Variants in CERT1 observed in about 807,000 individuals in gnomAD.
CERT1 encodes ceramide transfer protein.
In CERT1, 31 loss-of-function variants were observed where a neutral mutation model predicts 87.9. The observed-to-expected ratio is 0.35, with a 90% CI of 0.27 to 0.48. The LOEUF (loss-of-function observed/expected upper bound fraction) is 0.48, where lower values mean the gene tolerates loss of function less well. Among genes scored for constraint, CERT1 ranks in the 20% least tolerant of loss-of-function variants. The pLI is 0.99. For missense variants in CERT1, 487 were observed against 758.0 expected (o/e 0.64, Z 4.20); for synonymous variants, 289 against 250.9 (o/e 1.15, Z -1.44).
At chr5:75,402,008 T>C (rs1156660691) in intron 9 of CERT1, 4 of 152,338 alleles carry the variant, frequency 2.6e-5, no homozygotes, top group African/African-American at 7.2e-5. Context: ...TTAAGTACCA[T>C]CTAGTTGTAA....
chr5:75,439,122 C>A (rs1764210187), intron 3 of CERT1, among the ~76,000 whole-genome samples: 1 of 151,200 alleles, frequency 6.6e-6, no homozygotes, highest in Admixed American at 6.6e-5. Context: ...GCTTTGAGAA[C>A]ATTTAAAAGC....
downstream of CERT1, chr5:75,375,642 A>AT (rs1229883908): frequency 2.0e-5 from 3 of 147,078 alleles, no homozygotes; most frequent in Non-Finnish European, 3.0e-5. Flanking sequence ...AAATAAATAA[A>AT]AATATATATT....
intron 16 of CERT1, among the ~76,000 whole-genome samples, chr5:75,380,777 C>CA (rs35083616): frequency 0.39 from 20,565 of 53,026 alleles, 2,981 homozygotes; most frequent in East Asian, 0.48. Flanking sequence ...GACTCCATCT[C>CA]AAAAAAAAAA....
chr5:75,447,493 C>T (rs908985202), intron 3 of CERT1, among the ~76,000 whole-genome samples: 6 of 131,288 alleles, frequency 4.6e-5, no homozygotes, highest in East Asian at 2.1e-4. Context: ...TTTTTTGAGA[C>T]GGAGTTTCGC....
intron 3 of CERT1, among the ~76,000 whole-genome samples, chr5:75,452,034 G>C (rs983836539): frequency 6.6e-6 from 1 of 152,024 alleles, no homozygotes; most frequent in African/African-American, 2.4e-5. Flanking sequence ...CTTTCAAAAA[G>C]TGTTTTCCAC....
intron 13 of CERT1, among the ~76,000 whole-genome samples, chr5:75,385,515 C>T (rs1761749358): frequency 2.0e-5 from 3 of 152,046 alleles, no homozygotes; most frequent in Admixed American, 2.0e-4. Flanking sequence ...AAGGATTCAC[C>T]TAGGATTTAC....
chr5:75,464,222 A>G (rs929507345), intron 2 of CERT1, among the ~76,000 whole-genome samples: 21 of 152,228 alleles, frequency 1.4e-4, no homozygotes, highest in African/African-American at 5.1e-4. Flanking sequence ...AAGTAAAGGA[A>G]CTGGAGGCAG....
At position 75,505,961 on chromosome 5, in the gene CERT1, TGAA is replaced by T. The variant is rs755032952; in HGVS notation, c.231+18_231+20del. On this transcript the variant is annotated intron_variant, in intron 2 of 16. Transcript: ENST00000643780. ...TGACACTCAATAAATATTTGTTGAA[TGAA>T]GAAGAAAAGGAACTTACTGTGATGA... The T allele has an allele frequency of 6.2e-7, 1 of 1,603,340 alleles. No individual in the cohort carries two copies. The highest frequency in any genetic ancestry group is 2.2e-5 in the East Asian group (1 of 44,726).
intron 17 of CERT1, chr5:75,371,635 T>C (rs1417837629): frequency 6.6e-6 from 1 of 152,254 alleles, no homozygotes; most frequent in Non-Finnish European, 1.5e-5. Context: ...CCAGGAGTCC[T>C]GAATTCCAAC....
intron 3 of CERT1, among the ~76,000 whole-genome samples, chr5:75,446,106 C>T (rs1204275967): frequency 1.3e-5 from 2 of 152,094 alleles, no homozygotes; most frequent in Admixed American, 1.3e-4. Flanking sequence ...CTTTCTGCTC[C>T]TTTCTCTTTT....
chr5:75,443,617 T>C (rs190889336), intron 3 of CERT1, among the ~76,000 whole-genome samples: 164 of 152,328 alleles, frequency 1.1e-3, no homozygotes, highest in Non-Finnish European at 2.0e-3. Flanking sequence ...AAATGTCCCA[T>C]GTGTACTTGA....
intron 11 of CERT1, among the ~76,000 whole-genome samples, chr5:75,393,620 A>AAAAAAAAAAAAAAAAAAAG (rs1561229710): frequency 2.1e-5 from 3 of 145,302 alleles, no homozygotes; most frequent in East Asian, 2.0e-4. Context: ...AAAAAAAAAA[A>AAAAAAAAAAAAAAAAAAAG]AAAGAAAGTC....
At chr5:75,509,334 T>C (rs574609198) in intron 1 of CERT1, among the ~76,000 whole-genome samples, 2 of 152,322 alleles carry the variant, frequency 1.3e-5, no homozygotes, top group Admixed American at 6.5e-5. Flanking sequence ...TATGAGTATA[T>C]ATACTCAATT....
chr5:75,425,689 C>T lies in CERT1; in HGVS notation c.457-190G>A, dbSNP rs184735493. Reference sequence around the variant, plus strand: ...ACTGATGAATCTATTGGCTTGATAGCGATAAGCCACTTATGAATGATGATA... The same window carrying T: ...ACTGATGAATCTATTGGCTTGATAGTGATAAGCCACTTATGAATGATGATA... On this transcript the variant is annotated intron_variant, in intron 4 of 16. Transcript: ENST00000643780. Among the ~76,000 whole-genome samples, 45 of 152,224 alleles carry T rather than the reference C, an allele frequency of 3.0e-4. 2 individuals carry two copies. The highest frequency in any genetic ancestry group is 6.5e-4 in the Admixed American group (10 of 15,288).
At chr5:75,467,973 G>A (rs1275496692) in intron 2 of CERT1, among the ~76,000 whole-genome samples, 1 of 152,152 alleles carries the variant, frequency 6.6e-6, no homozygotes, top group Non-Finnish European at 1.5e-5. Flanking sequence ...GTTTTTGTAA[G>A]TGAAAAACTT....
chr5:75,374,299 T>G, downstream of CERT1: 1 of 468,784 alleles, frequency 2.1e-6, no homozygotes, highest in East Asian at 3.3e-5. Flanking sequence ...TCCATATTCA[T>G]GGAATGCATG....
At chr5:75,370,232 T>G (rs1160878557) in intron 17 of CERT1, 1 of 152,242 alleles carries the variant, frequency 6.6e-6, no homozygotes, top group Non-Finnish European at 1.5e-5. Flanking sequence ...GGCATGTATC[T>G]TTGAACACTA....
At chr5:75,418,376 T>C (rs72768358) in intron 6 of CERT1, among the ~76,000 whole-genome samples, 1 of 152,306 alleles carries the variant, frequency 6.6e-6, no homozygotes, top group Non-Finnish European at 1.5e-5. Flanking sequence ...TTGGTGGGGA[T>C]ATGGAGGAAC....
chr5:75,451,326 G>C (rs1030885261), intron 3 of CERT1, among the ~76,000 whole-genome samples: 15 of 152,146 alleles, frequency 9.9e-5, no homozygotes, highest in Admixed American at 2.6e-4. Context: ...GGTCAGTTGT[G>C]ATTCTATGTA....
Sources: allele counts gnomAD v4.1 joint callset (sites outside exome capture counted in the v4.1 genomes callset), GRCh38; gene constraint gnomAD v4.1.1; transcripts MANE v1.5; gene names NCBI Gene and HGNC (gene_info 2026-07-23, HGNC 2026-07-21).